Variants in PHACTR1 observed in about 807,000 individuals in gnomAD.
PHACTR1 encodes RPEL repeat containing 1.
PHACTR1 carries 16 observed loss-of-function variants against 69.2 expected under a neutral mutation model. The ratio of observed to expected loss-of-function variants is 0.23; its 90% CI spans 0.16 to 0.35. PHACTR1 has a LOEUF of 0.35. Among genes scored for constraint, PHACTR1 ranks in the 10% least tolerant of loss-of-function variants. The pLI is 1.00. For missense variants in PHACTR1, 510 were observed against 734.7 expected (o/e 0.69, Z 3.54); for synonymous variants, 312 against 284.5 (o/e 1.10, Z -0.97).
intron 3 of PHACTR1, among the ~76,000 whole-genome samples, chr6:12,720,062 T>G (rs773581058): frequency 6.6e-6 from 1 of 151,994 alleles, no homozygotes; most frequent in Non-Finnish European, 1.5e-5. Context: ...TAAAGACACA[T>G]AAAAATGTGA....
chr6:12,872,689 C>A (rs1048807804), intron 4 of PHACTR1, among the ~76,000 whole-genome samples: 1 of 152,044 alleles, frequency 6.6e-6, no homozygotes, highest in Non-Finnish European at 1.5e-5. Flanking sequence ...AACTTCTTTC[C>A]CCCATGACAT....
At position 12,719,514 on chromosome 6, in the gene PHACTR1, T is replaced by A. The variant is rs548087838; in HGVS notation, c.103+667T>A. On this transcript the variant is annotated intron_variant, in intron 3 of 14. Coordinates refer to ENST00000332995, the MANE Select transcript of PHACTR1 (RefSeq NM_030948.6). ...GATCTCGTGACTAGGAGGAGATTTT[T>A]TTTTTCACATATTTTCTGTTTTCCA... Among the ~76,000 whole-genome samples, 4 of 152,302 alleles carry A rather than the reference T, an allele frequency of 2.6e-5. No homozygotes were observed. The East Asian group carries it at 7.7e-4, about 29-fold the overall frequency.
chr6:13,167,315 T>G (rs561449550), intron 6 of PHACTR1, among the ~76,000 whole-genome samples: 32 of 152,374 alleles, frequency 2.1e-4, no homozygotes, highest in African/African-American at 7.5e-4. Flanking sequence ...TTTCCATCAC[T>G]GAATTTCTCT....
At chr6:12,898,583 A>G (rs1784905354) in intron 4 of PHACTR1, among the ~76,000 whole-genome samples, 1 of 152,086 alleles carries the variant, frequency 6.6e-6, no homozygotes, top group Non-Finnish European at 1.5e-5. Flanking sequence ...GCCTCCTTTT[A>G]TCTTGGCCGC....
chr6:12,768,568 T>TG (rs1768970912), intron 4 of PHACTR1, among the ~76,000 whole-genome samples: 1 of 43,948 alleles, frequency 2.3e-5, no homozygotes, highest in Non-Finnish European at 7.6e-5. Context: ...AGGGGCAACA[T>TG]TTTTTTTCAT....
At chr6:13,191,549 A>C (rs936304564) in intron 7 of PHACTR1, among the ~76,000 whole-genome samples, 5 of 152,198 alleles carry the variant, frequency 3.3e-5, no homozygotes, top group African/African-American at 9.7e-5. Context: ...GCAGGCTCTA[A>C]GCTATACAAA....
chr6:12,837,592 A>C (rs756060822), intron 4 of PHACTR1, among the ~76,000 whole-genome samples: 1 of 151,582 alleles, frequency 6.6e-6, no homozygotes, highest in Non-Finnish European at 1.5e-5. Flanking sequence ...AACTTAACAC[A>C]GTTTACCTAA....
chr6:13,272,758 T>A, intron 10 of PHACTR1, 102 bp from the exon 11 acceptor site: 1 of 1,613,132 alleles, frequency 6.2e-7, no homozygotes, highest in Non-Finnish European at 8.5e-7. Context: ...GAACAAGAAC[T>A]CCAGCCACTG....
chr6:13,198,403 A>G (rs1764722659), intron 7 of PHACTR1, among the ~76,000 whole-genome samples: 1 of 152,206 alleles, frequency 6.6e-6, no homozygotes, highest in African/African-American at 2.4e-5. Context: ...GAGGATGGTG[A>G]TAGCATCAAG....
intron 6 of PHACTR1, among the ~76,000 whole-genome samples, chr6:13,170,977 C>G (rs1339683554): frequency 3.3e-5 from 5 of 152,160 alleles, no homozygotes; most frequent in African/African-American, 1.2e-4. Flanking sequence ...CATTCTGGCC[C>G]TTGCCTGTCA....
intron 10 of PHACTR1, among the ~76,000 whole-genome samples, chr6:13,255,853 T>C (rs1438532939): frequency 6.6e-6 from 1 of 152,202 alleles, no homozygotes; most frequent in Non-Finnish European, 1.5e-5. Context: ...CCTGTGGCTT[T>C]TCTCGGTACA....
chr6:13,238,728 A>T (rs1181866618), intron 10 of PHACTR1, among the ~76,000 whole-genome samples: 2 of 152,174 alleles, frequency 1.3e-5, no homozygotes, highest in African/African-American at 4.8e-5. Context: ...AAAGTGCCAA[A>T]TAGTGTCTCC....
chr6:12,861,750 C>A (rs1780962383), intron 4 of PHACTR1, among the ~76,000 whole-genome samples: 1 of 152,130 alleles, frequency 6.6e-6, no homozygotes, highest in South Asian at 2.1e-4. Flanking sequence ...GACATCTAAC[C>A]GTATCATTTC....
chr6:13,055,259 T>C (rs1295840563), intron 5 of PHACTR1, among the ~76,000 whole-genome samples: 1 of 152,198 alleles, frequency 6.6e-6, no homozygotes, highest in African/African-American at 2.4e-5. Flanking sequence ...CCACTCTGAC[T>C]CTGCATTCTC....
chr6:13,218,858 GAA>G, intron 8 of PHACTR1, among the ~76,000 whole-genome samples: 1 of 4,160 alleles, frequency 2.4e-4, no homozygotes. Flanking sequence ...GGAGGAAAGA[GAA>G]GAGAAGAGAA....
At chr6:13,014,552 A>G (rs115555345) in intron 4 of PHACTR1, among the ~76,000 whole-genome samples, 1 of 152,124 alleles carries the variant, frequency 6.6e-6, no homozygotes, top group Non-Finnish European at 1.5e-5. Context: ...CGTTACGGAC[A>G]TGGGCTTCCT....
intron 4 of PHACTR1, among the ~76,000 whole-genome samples, chr6:12,888,131 A>T (rs979049478): frequency 6.6e-6 from 1 of 150,748 alleles, no homozygotes. Flanking sequence ...TGATTAAGTC[A>T]TGAGGGCTCT....
intron 4 of PHACTR1, among the ~76,000 whole-genome samples, chr6:13,038,558 G>GA (rs1468317779): frequency 6.6e-6 from 1 of 151,524 alleles, no homozygotes; most frequent in Non-Finnish European, 1.5e-5. Flanking sequence ...AAAAGGTTCT[G>GA]AAATTCTGCC....
intron 4 of PHACTR1, among the ~76,000 whole-genome samples, chr6:13,027,221 A>T (rs1801820840): frequency 1.3e-5 from 2 of 152,204 alleles, no homozygotes; most frequent in South Asian, 4.1e-4. Flanking sequence ...GCTTAAGGAT[A>T]TTCAGAGTCA....
Sources: allele counts gnomAD v4.1 joint callset (sites outside exome capture counted in the v4.1 genomes callset), GRCh38; gene constraint gnomAD v4.1.1; transcripts MANE v1.5; gene names NCBI Gene and HGNC (gene_info 2026-07-23, HGNC 2026-07-21).